The following XKR6 variants were observed in gnomAD, a reference collection of about 807,000 sequenced individuals.
The protein encoded by XKR6 is XK related 6, also known as XK-related protein 6.
Under a neutral mutation model 56.7 loss-of-function variants are expected in XKR6, and 22 were observed. That is an observed-to-expected ratio of 0.39 (90% CI 0.28 to 0.55). XKR6 has a LOEUF of 0.55. XKR6 is among the 20% of genes least tolerant of loss of function. The pLI, the probability that XKR6 is intolerant of heterozygous loss-of-function variation, is 0.66. For missense variants in XKR6, 852 were observed against 889.0 expected (o/e 0.96, Z 0.53); for synonymous variants, 524 against 387.8 (o/e 1.35, Z -4.13).
intron 1 of XKR6, among the ~76,000 whole-genome samples, chr8:10,985,681 C>T (rs1048978399): frequency 5.9e-5 from 9 of 152,018 alleles, no homozygotes; most frequent in Non-Finnish European, 1.5e-5. Flanking sequence ...ATAAAACTTT[C>T]CCACAGCCTT....
chr8:11,096,196 T>C (rs1044192000), intron 1 of XKR6, among the ~76,000 whole-genome samples: 11 of 152,230 alleles, frequency 7.2e-5, no homozygotes, highest in Admixed American at 5.2e-4. Context: ...CAGAGATGTA[T>C]ACAAAGATTC....
At chr8:11,119,326 C>T (rs149558466) in intron 1 of XKR6, among the ~76,000 whole-genome samples, 8 of 152,176 alleles carry the variant, frequency 5.3e-5, no homozygotes, top group Middle Eastern at 3.4e-3. Flanking sequence ...CTATTAGGTC[C>T]GCTTGGTGCA....
At chr8:10,981,606 T>C (rs2129137552) in intron 1 of XKR6, among the ~76,000 whole-genome samples, 1 of 152,344 alleles carries the variant, frequency 6.6e-6, no homozygotes, top group East Asian at 1.9e-4. Context: ...GGATCTAGAA[T>C]AAGCCTCCCA....
chr8:11,082,962 T>C (rs1797774612), intron 1 of XKR6, among the ~76,000 whole-genome samples: 1 of 152,236 alleles, frequency 6.6e-6, no homozygotes, highest in Non-Finnish European at 1.5e-5. Context: ...CAGGTAGCCC[T>C]AGGCAGGGCT....
intron 2 of XKR6, among the ~76,000 whole-genome samples, chr8:10,901,896 C>A (rs142217587): frequency 6.6e-6 from 1 of 152,136 alleles, no homozygotes; most frequent in African/African-American, 2.4e-5. Flanking sequence ...ACATTGGCCC[C>A]GTTCACACCA....
chr8:10,913,827 G>A (rs944923629), intron 2 of XKR6, among the ~76,000 whole-genome samples: 6 of 152,230 alleles, frequency 3.9e-5, no homozygotes, highest in African/African-American at 1.4e-4. Context: ...CTTGGTGACT[G>A]CTAGTGAGGG....
intron 1 of XKR6, chr8:11,128,826 C>G (rs1242829519): frequency 4.4e-6 from 2 of 456,810 alleles, no homozygotes; most frequent in South Asian, 1.5e-5. Flanking sequence ...TATCCAGAAT[C>G]TGATCACCTT....
intron 1 of XKR6, chr8:11,104,764 T>C (rs1300013498): frequency 6.6e-6 from 1 of 152,242 alleles, no homozygotes; most frequent in African/African-American, 2.4e-5. Flanking sequence ...TGAAAAGTTA[T>C]CCACATCGCT....
intron 2 of XKR6, among the ~76,000 whole-genome samples, chr8:10,919,238 C>T (rs73535423): frequency 0.025 from 3,787 of 152,300 alleles, 166 homozygotes; most frequent in African/African-American, 0.084. Context: ...AGAAGGCTGT[C>T]TCTTTTCTTC....
chr8:11,025,869 C>T lies in XKR6; in HGVS notation c.765-101039G>A, dbSNP rs573180483. On this transcript the variant is annotated intron_variant, in intron 1 of 2. Transcript: ENST00000416569. Reference sequence around the variant, plus strand: ...TCCAGTATGGCAGCCACCAGGCACACGTGGCTACTGAGCACTTGAAATGTG... The same window carrying T: ...TCCAGTATGGCAGCCACCAGGCACATGTGGCTACTGAGCACTTGAAATGTG... Among the ~76,000 whole-genome samples, 61 of 152,224 alleles carry T rather than the reference C, an allele frequency of 4.0e-4. 1 individual carries two copies. Among genetic ancestry groups the T allele is most frequent in the Admixed American group, 1.1e-3 (17 of 15,312 alleles).
intron 1 of XKR6, among the ~76,000 whole-genome samples, chr8:11,040,616 G>C (rs1350490238): frequency 6.6e-6 from 1 of 152,136 alleles, no homozygotes; most frequent in Non-Finnish European, 1.5e-5. Flanking sequence ...GGGAGTCCAA[G>C]ATGAAGGCAG....
intron 1 of XKR6, among the ~76,000 whole-genome samples, chr8:11,166,910 G>A (rs1802105247): frequency 6.6e-6 from 1 of 152,170 alleles, no homozygotes; most frequent in Non-Finnish European, 1.5e-5. Flanking sequence ...ATTAACACTA[G>A]TATTCAGCTA....
At chr8:11,033,331 G>C (rs1309323395) in intron 1 of XKR6, among the ~76,000 whole-genome samples, 1 of 146,644 alleles carries the variant, frequency 6.8e-6, no homozygotes, top group Non-Finnish European at 1.5e-5. Context: ...GATAGTGATG[G>C]TGATGGTGGT....
At chr8:10,978,950 G>A (rs1797660384) in intron 1 of XKR6, among the ~76,000 whole-genome samples, 1 of 152,168 alleles carries the variant, frequency 6.6e-6, no homozygotes, top group Non-Finnish European at 1.5e-5. Flanking sequence ...ATCTCACAGA[G>A]ACCGTACCCT....
chr8:10,970,649 G>C (rs2129133736), intron 1 of XKR6, among the ~76,000 whole-genome samples: 1 of 152,134 alleles, frequency 6.6e-6, no homozygotes, highest in Non-Finnish European at 1.5e-5. Context: ...TTCCTCATCA[G>C]GGTGGATTGT....
rs551534343 is a variant in XKR6, at chr8:11,193,654, A to T, written c.764+6922T>A. On this transcript the variant is annotated intron_variant, in intron 1 of 2. Transcript: ENST00000416569. ...GTGACCTGATGGTATCACTAAAAAA[A>T]TTTTTTTTTTACAAACACTAACTTT... 1.1e-3 allele frequency among the ~76,000 whole-genome samples: 172 copies of T among 150,322 alleles called. 1 individual carries two copies. The highest frequency in any genetic ancestry group is 4.6e-3 in the South Asian group (22 of 4,732).
chr8:10,941,315 A>C lies in XKR6; in HGVS notation c.765-16485T>G, dbSNP rs368168159. ...AGGGGACGGTGTCACAACCACAACC[A>C]CATAAAGTGATACCGCTTAGGAGCA... On this transcript the variant is annotated intron_variant, in intron 1 of 2. Coordinates refer to ENST00000416569, the MANE Select transcript of XKR6 (RefSeq NM_173683.4). Among the ~76,000 whole-genome samples the C allele has an allele frequency of 4.6e-5, 7 of 152,184 alleles. No homozygotes were observed. In the East Asian group the frequency reaches 1.2e-3, roughly 25 times the overall value.
chr8:10,906,665 G>C (rs1288653460), intron 2 of XKR6, among the ~76,000 whole-genome samples: 3 of 152,154 alleles, frequency 2.0e-5, no homozygotes, highest in African/African-American at 7.2e-5. Flanking sequence ...ACTTGAAGAG[G>C]GTGTGATCCA....
At chr8:11,145,096 GC>G (rs1428507757) in intron 1 of XKR6, among the ~76,000 whole-genome samples, 1 of 151,898 alleles carries the variant, frequency 6.6e-6, no homozygotes, top group Non-Finnish European at 1.5e-5. Context: ...ATCTGAAAAT[GC>G]AAAACCTAAA....
Sources: gnomAD v4.1 joint callset for allele counts (sites outside exome capture counted in the v4.1 genomes callset) on GRCh38, gnomAD v4.1.1 for gene constraint, MANE v1.5 for transcripts, NCBI Gene and HGNC (gene_info 2026-07-23, HGNC 2026-07-21) for gene names.